Variants in TMEM164 observed in about 807,000 individuals in gnomAD.
TMEM164 encodes the protein transmembrane protein 164, also known as RP13-360B22.2.
In TMEM164, 4 loss-of-function variants were observed where a neutral mutation model predicts 18.8. That is an observed-to-expected ratio of 0.21 (90% CI 0.10 to 0.49). The LOEUF (loss-of-function observed/expected upper bound fraction) is 0.49, where lower values mean the gene tolerates loss of function less well. TMEM164 is among the 20% of genes least tolerant of loss of function. The pLI is 0.98. For synonymous variants in TMEM164, 86 were observed against 101.7 expected (o/e 0.85, Z 0.93); for missense variants, 108 against 239.9 (o/e 0.45, Z 3.63).
At chrX:110,127,990 C>T (rs1351688062) in intron 4 of TMEM164, among the ~76,000 whole-genome samples, 1 of 112,265 alleles carries the variant, frequency 8.9e-6, no homozygotes, top group Non-Finnish European at 1.9e-5. Context: ...TTCCTAAAAC[C>T]CATTATGGTC....
At chrX:110,153,490 C>G (rs1375292029) in intron 5 of TMEM164, among the ~76,000 whole-genome samples, 1 of 111,673 alleles carries the variant, frequency 9.0e-6, no homozygotes, top group Non-Finnish European at 1.9e-5. Flanking sequence ...ACGTGAGGCC[C>G]ATGACCTTGA....
chrX:110,019,281 C>T (rs1366335568), intron 2 of TMEM164, among the ~76,000 whole-genome samples: 1 of 110,407 alleles, frequency 9.1e-6, no homozygotes, highest in Non-Finnish European at 1.9e-5. Context: ...CATCTCAATT[C>T]CACCCTCTTC....
At chrX:110,180,892 C>A (rs749241439), downstream of TMEM164, among the ~76,000 whole-genome samples, 4 of 111,956 alleles carry the variant, frequency 3.6e-5, no homozygotes, top group African/African-American at 1.3e-4. Context: ...GTGATGCCAA[C>A]CTGCCACTGT....
intron 4 of TMEM164, among the ~76,000 whole-genome samples, chrX:110,127,783 A>G (rs2066555970): frequency 9.0e-6 from 1 of 111,716 alleles, no homozygotes; most frequent in Non-Finnish European, 1.9e-5. Context: ...CAGGATTCCC[A>G]TCACCTCCTT....
At chrX:110,033,301 A>G (rs1934603328) in intron 2 of TMEM164, among the ~76,000 whole-genome samples, 1 of 112,404 alleles carries the variant, frequency 8.9e-6, no homozygotes, top group African/African-American at 3.2e-5. Context: ...TACAGGAAAA[A>G]AAGAACCCAG....
chrX:110,043,402 A>G (rs1238114411), intron 2 of TMEM164, among the ~76,000 whole-genome samples: 1 of 112,458 alleles, frequency 8.9e-6, no homozygotes, highest in Non-Finnish European at 1.9e-5. Flanking sequence ...ATAAGTTAGT[A>G]GTAGGCTGGG....
Position 110,171,323 on chromosome X carries a change from C to T in TMEM164, c.587-97C>T, listed in dbSNP as rs186324506. ...AGTGATCAGTAAAAGGAACAGTCAT[C>T]AGGCAGCAGCTGTGACCTCAGTACC... On this transcript the variant is annotated intron_variant, in intron 5 of 6. Transcript: ENST00000372068. 3.1e-4 allele frequency: 181 copies of T among 578,935 alleles called. 2 individuals carry two copies. The East Asian group carries it at 3.6e-3, about 11-fold the overall frequency. 47.7% of individuals were successfully genotyped at this position (578,935 alleles called of 1,213,427 possible). A position where few individuals can be genotyped will look rare whatever the true frequency, so the allele number is the denominator to read the frequency against.
Position 110,105,954 on chromosome X carries a change from A to C in TMEM164, c.441-3126A>C, listed in dbSNP as rs188004493. Reference sequence around the variant, plus strand: ...ATCACTTGGAGCTTTGGTTTTCTCCACTATGAAATGAGGAAGATGATGGTG... The same window carrying C: ...ATCACTTGGAGCTTTGGTTTTCTCCCCTATGAAATGAGGAAGATGATGGTG... On this transcript the variant is annotated intron_variant, in intron 3 of 6. Coordinates refer to ENST00000372068, the MANE Select transcript of TMEM164 (RefSeq NM_032227.4). Among the ~76,000 whole-genome samples the C allele has an allele frequency of 9.0e-5, 10 of 111,627 alleles. No homozygotes were observed. The East Asian group carries it at 2.8e-3, about 31-fold the overall frequency.
chrX:110,161,171 G>C (rs1190819808), intron 5 of TMEM164, among the ~76,000 whole-genome samples: 1 of 112,077 alleles, frequency 8.9e-6, no homozygotes, highest in African/African-American at 3.2e-5. Flanking sequence ...TCCTGTGCTA[G>C]TTACTTTCTG....
At chrX:110,090,270 T>C (rs1382778918) in intron 3 of TMEM164, among the ~76,000 whole-genome samples, 3 of 110,391 alleles carry the variant, frequency 2.7e-5, no homozygotes, top group African/African-American at 9.9e-5. Flanking sequence ...TATCTTTTTT[T>C]TTTTCTTTAC....
At chrX:110,093,546 T>C (rs2065966103) in intron 3 of TMEM164, among the ~76,000 whole-genome samples, 1 of 112,129 alleles carries the variant, frequency 8.9e-6, no homozygotes. Context: ...CCTTTATCAT[T>C]TTTTATTGTG....
intron 4 of TMEM164, among the ~76,000 whole-genome samples, chrX:110,120,533 A>G (rs1317675185): frequency 1.8e-5 from 2 of 112,191 alleles, no homozygotes; most frequent in Non-Finnish European, 3.8e-5. Context: ...AGATACAGAC[A>G]GTGTGCGAAG....
intron 3 of TMEM164, among the ~76,000 whole-genome samples, chrX:110,105,679 GACACACACACACACAC>G (rs758900532): frequency 6.1e-5 from 4 of 65,435 alleles, no homozygotes; most frequent in South Asian, 8.7e-4. Context: ...TAGAAACACA[GACACACACACACACAC>G]ACACACACAC....
rs181848954 is a variant in TMEM164 at position 110,093,755 on chromosome X, C to T, written c.441-15325C>T. 4.3e-3 allele frequency among the ~76,000 whole-genome samples: 478 copies of T among 111,485 alleles called. 1 individual carries two copies. The highest frequency in any genetic ancestry group is 0.014 in the African/African-American group (441 of 30,688). On this transcript the variant is annotated intron_variant, in intron 3 of 6. Coordinates refer to ENST00000372068, the MANE Select transcript of TMEM164 (RefSeq NM_032227.4). ...CTTTTGAATGTGTTTGCTCTTGCTT[C>T]TCTAGTTCTTTTAACTGTGATTTTA...
intron 2 of TMEM164, among the ~76,000 whole-genome samples, chrX:110,034,746 T>C (rs1341022201): frequency 9.4e-6 from 1 of 105,890 alleles, no homozygotes; most frequent in East Asian, 2.9e-4. Flanking sequence ...CTATAAATCA[T>C]GCTGCTATAA....
At chrX:110,095,351 C>T (rs2147934441) in intron 3 of TMEM164, among the ~76,000 whole-genome samples, 1 of 111,993 alleles carries the variant, frequency 8.9e-6, no homozygotes, top group Non-Finnish European at 1.9e-5. Context: ...CACATAGTCC[C>T]ATATTTCTTG....
intron 3 of TMEM164, among the ~76,000 whole-genome samples, chrX:110,102,300 G>A (rs1195298929): frequency 9.0e-6 from 1 of 110,904 alleles, no homozygotes; most frequent in Non-Finnish European, 1.9e-5. Flanking sequence ...GCCCACATCC[G>A]GCCACTGCAC....
intron 2 of TMEM164, 34 bp downstream of exon 2, chrX:110,004,198 G>A: frequency 8.6e-7 from 1 of 1,166,726 alleles, no homozygotes. Context: ...GGCATCCTAA[G>A]TGATAAGAGT....
intron 2 of TMEM164, among the ~76,000 whole-genome samples, chrX:110,032,382 G>T (rs762127172): frequency 1.8e-5 from 2 of 111,532 alleles, no homozygotes; most frequent in Non-Finnish European, 3.8e-5. Context: ...GTTAATATCT[G>T]TCAGTGGTCC....
Sources: allele counts gnomAD v4.1 joint callset (sites outside exome capture counted in the v4.1 genomes callset), GRCh38; gene constraint gnomAD v4.1.1; transcripts MANE v1.5; gene names NCBI Gene and HGNC (gene_info 2026-07-23, HGNC 2026-07-21).